THUMPD2: variants seen among roughly 807,000 people sequenced by gnomAD.
The protein encoded by THUMPD2 is THUMP domain 2 tRNA and snRNA guanosine methyltransferase, also known as U6 snRNA (guanine-N(2))-methyltransferase THUMPD2.
In THUMPD2, 56 loss-of-function variants were observed where a neutral mutation model predicts 49.4. The ratio of observed to expected loss-of-function variants is 1.13; its 90% CI spans 0.91 to 1.41. THUMPD2 has a LOEUF of 1.41. Among genes scored for constraint, THUMPD2 ranks in the 40% most tolerant of loss-of-function variants. The probability of loss-of-function intolerance (pLI) is 0.00; values close to 1 mark genes in which losing one functional copy is unlikely to be tolerated. For synonymous variants in THUMPD2, 237 were observed against 205.2 expected, an observed-to-expected ratio of 1.15 and a Z score of -1.32; for missense variants, 709 against 594.5, an observed-to-expected ratio of 1.19 and a Z score of -2.00.
chr2:39,762,144 T>C (rs1676900169), intron 5 of THUMPD2, among the ~76,000 whole-genome samples: 1 of 152,150 alleles, frequency 6.6e-6, no homozygotes, highest in Non-Finnish European at 1.5e-5. Flanking sequence ...AAATTACAAC[T>C]TTCCAAGCTT....
chr2:39,755,076 G>A (rs976592582), intron 8 of THUMPD2, among the ~76,000 whole-genome samples: 5 of 151,590 alleles, frequency 3.3e-5, no homozygotes, highest in Non-Finnish European at 5.9e-5. Flanking sequence ...AAGAAGTCAT[G>A]CTTTACATGC....
chr2:39,748,254 A>G (rs939778033), intron 8 of THUMPD2, among the ~76,000 whole-genome samples: 1 of 152,208 alleles, frequency 6.6e-6, no homozygotes, highest in East Asian at 1.9e-4. Flanking sequence ...ACCCTAGGAC[A>G]CTTTGGCTGA....
At position 39,744,454 on chromosome 2, in the gene THUMPD2, A is replaced by T. The variant is rs1674308520; in HGVS notation, c.1103T>A (p.Val368Asp). ...TGGAATGTCAGAAATAATAATATCA[A>T]CACTTTCTGAAGGCAATGGCAATTC... is the stretch of plus-strand genomic sequence containing the variant. ...VIELPLPSES[V>D]DIIISDIPFG... Residue 368 changes from valine to aspartate, a missense_variant, in exon 9 of 10, where the codon GTT becomes GAT. Physicochemically the swap from Val to Asp is radical, Grantham distance 152 (BLOSUM62 -3). Transcript: ENST00000505747. The T allele has an allele frequency of 1.3e-6, 2 of 1,582,410 alleles. No individual in the cohort carries two copies. The highest frequency in any genetic ancestry group is 1.2e-5 in the South Asian group (1 of 84,580).
chr2:39,767,836 T>C (rs1442205271), intron 4 of THUMPD2, among the ~76,000 whole-genome samples: 1 of 151,928 alleles, frequency 6.6e-6, no homozygotes, highest in Admixed American at 6.5e-5. Context: ...ACATAACAAG[T>C]AATAAATAAA....
chr2:39,758,659 G>T (rs1280668644), intron 6 of THUMPD2, among the ~76,000 whole-genome samples: 2 of 152,128 alleles, frequency 1.3e-5, no homozygotes, highest in African/African-American at 4.8e-5. Context: ...TGAGCCTGGG[G>T]TGCCAGAGAT....
chr2:39,779,144 T>A lies in THUMPD2; in HGVS notation c.96A>T (p.Arg32=). 1 of 1,519,816 alleles carries A rather than the reference T, an allele frequency of 6.6e-7. No individual in the cohort carries two copies. The allele number at this position is 1,519,816 out of a possible 1,614,324, so 94.1% of individuals were successfully genotyped here. A position where few individuals can be genotyped will look rare whatever the true frequency, so the allele number is the denominator to read the frequency against. ...TGGCCGCCAGCCGCGCCCGCACCTCTCGCATTACGAACGGCTCCAGGCCGC... is the reference window on the plus strand; with the variant it reads ...TGGCCGCCAGCCGCGCCCGCACCTCACGCATTACGAACGGCTCCAGGCCGC... The part of the protein sequence containing the change: ...AGRGLEPFVM[R]EVRARLAATQ... Residue 32 remains arginine (R), a synonymous_variant, in exon 1 of 10, where the codon CGA becomes CGT. Transcript: ENST00000505747.
At chr2:39,775,360 C>A (rs1678934164) in intron 1 of THUMPD2, among the ~76,000 whole-genome samples, 1 of 152,072 alleles carries the variant, frequency 6.6e-6, no homozygotes, top group African/African-American at 2.4e-5. Flanking sequence ...TCTACAGATG[C>A]CATTTAGTTA....
chr2:39,744,751 T>C (rs1459982230), intron 8 of THUMPD2: 1 of 230,406 alleles, frequency 4.3e-6, no homozygotes, highest in Non-Finnish European at 8.3e-6. Context: ...GAAAACTCAA[T>C]TCTCTAAATA....
chr2:39,779,029 G>A, intron 1 of THUMPD2, 85 bp downstream of exon 1: 3 of 1,345,722 alleles, frequency 2.2e-6, no homozygotes, highest in Non-Finnish European at 2.9e-6. Context: ...CGCCAGCGAC[G>A]CTTTCCCGCG....
In THUMPD2 at chr2:39,736,558, T is replaced by TAGAATATAAAGC. The variant is rs1673103488; in HGVS notation, c.*165_*176dup. On this transcript the variant is annotated 3_prime_UTR_variant, in exon 10 of 10. Coordinates refer to ENST00000505747, the MANE Select transcript of THUMPD2 (RefSeq NM_025264.5). ...TTTTTCTCAAAAACATTAAGTACTT[T>TAGAATATAAAGC]AGAATATAAAGCAGAAACTCTTACC... 3 of 494,876 alleles carry TAGAATATAAAGC rather than the reference T, an allele frequency of 6.1e-6. No individual in the cohort carries two copies. The South Asian group carries it at 1.4e-4, about 22-fold the overall frequency. 30.7% of individuals were successfully genotyped at this position (494,876 alleles called of 1,614,324 possible).
chr2:39,739,582 G>A (rs75151887), intron 9 of THUMPD2, among the ~76,000 whole-genome samples: 2 of 152,200 alleles, frequency 1.3e-5, no homozygotes, highest in Admixed American at 6.5e-5. Context: ...AATGGTCAGA[G>A]ACCTTGCCTG....
At chr2:39,775,760 CAAAAAAAAAA>C (rs774580208) in intron 1 of THUMPD2, among the ~76,000 whole-genome samples, 2 of 63,364 alleles carry the variant, frequency 3.2e-5, no homozygotes, top group African/African-American at 6.3e-5. Flanking sequence ...AACACTATGT[CAAAAAAAAAA>C]AAAAAAAAAA....
chr2:39,779,157 G>C lies in THUMPD2; in HGVS notation c.83C>G (p.Pro28Arg), dbSNP rs769933656. ...FFCTAGRGLEPFVMREVRARL... is the reference protein window; with the variant it reads ...FFCTAGRGLERFVMREVRARL... ...CGCCCGCACCTCTCGCATTACGAACGGCTCCAGGCCGCGACCCGCAGTGCA... is the reference window on the plus strand; with the variant it reads ...CGCCCGCACCTCTCGCATTACGAACCGCTCCAGGCCGCGACCCGCAGTGCA... The change falls in exon 1 of 10, where the codon CCG becomes CGG. Residue 28 changes from proline (P) to arginine (R), a missense_variant. Transcript: ENST00000505747. The C allele has an allele frequency of 7.9e-6, 12 of 1,519,152 alleles. No individual in the cohort carries two copies. The highest frequency in any genetic ancestry group is 4.9e-5 in the South Asian group (4 of 81,584). 94.1% of individuals were successfully genotyped at this position (1,519,152 alleles called of 1,614,324 possible).
At chr2:39,743,789 C>T (rs1674223616) in intron 9 of THUMPD2, among the ~76,000 whole-genome samples, 1 of 152,180 alleles carries the variant, frequency 6.6e-6, no homozygotes, top group South Asian at 2.1e-4. Flanking sequence ...CTTTTACAGA[C>T]TGCAGAATCA....
chr2:39,767,361 T>C (rs913224359), intron 4 of THUMPD2, among the ~76,000 whole-genome samples: 1 of 151,780 alleles, frequency 6.6e-6, no homozygotes, highest in African/African-American at 2.4e-5. Context: ...TCCCAGCACT[T>C]TGGGAGGCCG....
chr2:39,741,797 T>C (rs537515415), intron 9 of THUMPD2, among the ~76,000 whole-genome samples: 1 of 152,304 alleles, frequency 6.6e-6, no homozygotes, highest in East Asian at 1.9e-4. Flanking sequence ...TGTATTTTCA[T>C]GAACACAATT....
At chr2:39,738,545 C>CAG (rs1158538312) in intron 9 of THUMPD2, among the ~76,000 whole-genome samples, 1 of 151,226 alleles carries the variant, frequency 6.6e-6, no homozygotes, top group Admixed American at 6.6e-5. Flanking sequence ...GTCTGGGCAA[C>CAG]AGAGAGAGAC....
chr2:39,777,357 G>A (rs1056713649), intron 1 of THUMPD2, among the ~76,000 whole-genome samples: 1 of 152,190 alleles, frequency 6.6e-6, no homozygotes. Context: ...TGGTGTTACA[G>A]AAATAAACTA....
intron 1 of THUMPD2, among the ~76,000 whole-genome samples, chr2:39,778,193 A>T (rs908160287): frequency 6.6e-6 from 1 of 152,240 alleles, no homozygotes; most frequent in Non-Finnish European, 1.5e-5. Flanking sequence ...ATCTAAGAAC[A>T]TGTGCCTGAC....
Sources: allele counts gnomAD v4.1 joint callset (sites outside exome capture counted in the v4.1 genomes callset), GRCh38; gene constraint gnomAD v4.1.1; transcripts MANE v1.5; gene names NCBI Gene and HGNC (gene_info 2026-07-23, HGNC 2026-07-21).